NAV2: variants seen among roughly 807,000 people sequenced by gnomAD.
NAV2 encodes the protein neuron navigator 2, also known as helicase, APC down-regulated 1.
In NAV2, 54 loss-of-function variants were observed where a neutral mutation model predicts 223.2. That is an observed-to-expected ratio of 0.24 (90% CI 0.19 to 0.30). The LOEUF is 0.30. NAV2 is among the 10% of genes least tolerant of loss of function. The probability of loss-of-function intolerance (pLI) is 1.00; values close to 1 mark genes in which losing one functional copy is unlikely to be tolerated. For missense variants in NAV2, 2,806 were observed against 3,147.5 expected (o/e 0.89, Z 2.60); for synonymous variants, 1,279 against 1,239.3 (o/e 1.03, Z -0.67).
intron 1 of NAV2, among the ~76,000 whole-genome samples, chr11:19,494,865 A>G (rs113906531): frequency 0.032 from 4,870 of 152,276 alleles, 98 homozygotes; most frequent in Middle Eastern, 0.058. Flanking sequence ...ATTCTGGGTT[A>G]GCCTCCAGCA....
intron 18 of NAV2, among the ~76,000 whole-genome samples, chr11:20,054,595 T>C (rs2058247928): frequency 6.6e-6 from 1 of 152,210 alleles, no homozygotes; most frequent in South Asian, 2.1e-4. Context: ...GCAAAGAACA[T>C]GTTATCCCAT....
intron 10 of NAV2, among the ~76,000 whole-genome samples, chr11:19,965,348 C>T (rs2048684215): frequency 6.6e-6 from 1 of 152,146 alleles, no homozygotes; most frequent in South Asian, 2.1e-4. Flanking sequence ...AATCGCTCTT[C>T]TTTCCCCCAA....
At chr11:19,865,696 C>G (rs111783482) in intron 3 of NAV2, among the ~76,000 whole-genome samples, 1 of 152,204 alleles carries the variant, frequency 6.6e-6, no homozygotes, top group African/African-American at 2.4e-5. Flanking sequence ...TACGAATGAT[C>G]TTTTAAATAA....
intron 1 of NAV2, among the ~76,000 whole-genome samples, chr11:19,639,696 A>C (rs1039881958): frequency 7.9e-5 from 12 of 152,214 alleles, no homozygotes; most frequent in Non-Finnish European, 7.3e-5. Context: ...AAGGGGAAAC[A>C]GAGGATCAGA....
intron 1 of NAV2, among the ~76,000 whole-genome samples, chr11:19,821,154 T>C (rs927580110): frequency 7.3e-5 from 11 of 150,728 alleles, no homozygotes; most frequent in Non-Finnish European, 1.0e-4. Flanking sequence ...CCCAGCTACT[T>C]GGGAGGCTGA....
intron 1 of NAV2, among the ~76,000 whole-genome samples, chr11:19,815,211 G>A (rs2059034109): frequency 6.6e-6 from 1 of 152,178 alleles, no homozygotes. Context: ...AGTCCTCTGA[G>A]TATTTGATAT....
intron 1 of NAV2, among the ~76,000 whole-genome samples, chr11:19,507,895 T>C (rs1169998482): frequency 6.6e-6 from 1 of 152,154 alleles, no homozygotes. Context: ...ACACAGCTAG[T>C]AAATGACAAT....
chr11:19,897,789 G>T (rs1382148814), intron 6 of NAV2, among the ~76,000 whole-genome samples: 4 of 151,488 alleles, frequency 2.6e-5, no homozygotes, highest in Non-Finnish European at 5.9e-5. Flanking sequence ...CAAGTTGTTT[G>T]TTGTATCATC....
chr11:19,471,306 A>G (rs890650529), intron 1 of NAV2, among the ~76,000 whole-genome samples: 8 of 152,192 alleles, frequency 5.3e-5, no homozygotes, highest in African/African-American at 1.9e-4. Context: ...GGAAACAGTA[A>G]TACTCACATC....
At chr11:19,532,381 C>T (rs1273990036) in intron 1 of NAV2, among the ~76,000 whole-genome samples, 1 of 152,164 alleles carries the variant, frequency 6.6e-6, no homozygotes, top group African/African-American at 2.4e-5. Context: ...TCTACTCTAT[C>T]ATCTCAAAAC....
chr11:19,544,089 T>C (rs1202407162), intron 1 of NAV2, among the ~76,000 whole-genome samples: 1 of 152,244 alleles, frequency 6.6e-6, no homozygotes, highest in African/African-American at 2.4e-5. Context: ...CTCAATACTG[T>C]GCCTGGCACA....
chr11:19,703,142 TA>T (rs139183026), intron 1 of NAV2, among the ~76,000 whole-genome samples: 34,280 of 152,052 alleles, frequency 0.23, 4,885 homozygotes, highest in Middle Eastern at 0.38. Flanking sequence ...AATATTTTTT[TA>T]AATTACAAAA....
chr11:19,809,375 G>T (rs1459836345), intron 1 of NAV2, among the ~76,000 whole-genome samples: 1 of 152,136 alleles, frequency 6.6e-6, no homozygotes, highest in Non-Finnish European at 1.5e-5. Flanking sequence ...TAAGAATTGG[G>T]TTTTCAAACC....
chr11:19,616,179 G>A (rs1283515057), intron 1 of NAV2, among the ~76,000 whole-genome samples: 1 of 151,852 alleles, frequency 6.6e-6, no homozygotes, highest in Non-Finnish European at 1.5e-5. Flanking sequence ...TCACATTTAG[G>A]CCTACATGTC....
At chr11:19,774,011 T>A (rs901288126) in intron 1 of NAV2, among the ~76,000 whole-genome samples, 3 of 152,214 alleles carry the variant, frequency 2.0e-5, no homozygotes, top group African/African-American at 7.2e-5. Flanking sequence ...AATAACCCCA[T>A]GTGATGTGAA....
chr11:19,596,926 G>A (rs574991987), intron 1 of NAV2, among the ~76,000 whole-genome samples: 5 of 152,300 alleles, frequency 3.3e-5, no homozygotes, highest in East Asian at 1.9e-4. Context: ...ATGCAGAAAC[G>A]GAGGCACAGA....
intron 1 of NAV2, among the ~76,000 whole-genome samples, chr11:19,624,973 C>T (rs1388981234): frequency 6.6e-6 from 1 of 152,154 alleles, no homozygotes; most frequent in East Asian, 1.9e-4. Flanking sequence ...TCATGAAGTA[C>T]ATAGTGATGT....
chr11:19,531,646 T>G (rs2134431428), intron 1 of NAV2, among the ~76,000 whole-genome samples: 1 of 152,222 alleles, frequency 6.6e-6, no homozygotes, highest in East Asian at 1.9e-4. Flanking sequence ...GAATGAAAGG[T>G]TGGGAATTCA....
At chr11:19,491,466 G>T (rs2042624677) in intron 1 of NAV2, among the ~76,000 whole-genome samples, 1 of 152,148 alleles carries the variant, frequency 6.6e-6, no homozygotes, top group South Asian at 2.1e-4. Flanking sequence ...TGTTATGGAG[G>T]TGGCTGTTTT....
Sources: gnomAD v4.1 joint callset for allele counts (sites outside exome capture counted in the v4.1 genomes callset) on GRCh38, gnomAD v4.1.1 for gene constraint, MANE v1.5 for transcripts, NCBI Gene and HGNC (gene_info 2026-07-23, HGNC 2026-07-21) for gene names.